Variants in RNF157 observed in about 807,000 individuals in gnomAD.
RNF157 encodes ring finger protein 157, also known as E3 ubiquitin ligase RNF157.
Under a neutral mutation model 88.3 loss-of-function variants are expected in RNF157, and 55 were observed. The observed-to-expected ratio is 0.62, with a 90% CI of 0.50 to 0.78. RNF157 has a LOEUF of 0.78. RNF157 is among the 30% of genes least tolerant of loss of function. The pLI is 0.00. For missense variants in RNF157, 788 were observed against 860.8 expected (o/e 0.92, Z 1.06); for synonymous variants, 334 against 341.2 (o/e 0.98, Z 0.23).
chr17:76,167,949 A>T (rs543046826), intron 3 of RNF157, 152 bp from the exon 4 acceptor site: 7 of 760,694 alleles, frequency 9.2e-6, no homozygotes, highest in African/African-American at 5.3e-5. Flanking sequence ...GTGCTTCATG[A>T]CCCATGTTGC....
rs556518937 is a variant in RNF157 at position 76,234,040 on chromosome 17, A to C, written c.88+6113T>G. 2.6e-5 allele frequency among the ~76,000 whole-genome samples: 4 copies of C among 152,256 alleles called. No individual in the cohort carries two copies. In the South Asian group the frequency reaches 8.3e-4, roughly 32 times the overall value. On this transcript the variant is annotated intron_variant, in intron 1 of 18. Coordinates refer to ENST00000269391, the MANE Select transcript of RNF157 (RefSeq NM_052916.3). ...CCTCTCCTCAGCCTCTGGCAGCCGC[A>C]GGCACAGCCACTGCGCCACTGCCAC...
intron 2 of RNF157, among the ~76,000 whole-genome samples, chr17:76,191,693 G>A (rs1415266917): frequency 6.6e-6 from 1 of 151,652 alleles, no homozygotes; most frequent in African/African-American, 2.4e-5. Context: ...AGGACTGCTT[G>A]AGCCTGGGAG....
intron 2 of RNF157, among the ~76,000 whole-genome samples, chr17:76,181,056 G>A (rs1422877344): frequency 2.0e-5 from 3 of 152,068 alleles, no homozygotes; most frequent in East Asian, 3.8e-4. Flanking sequence ...AAAGATTCAC[G>A]TAATCATCCA....
intron 9 of RNF157, chr17:76,162,203 A>G: frequency 1.6e-6 from 1 of 617,428 alleles, no homozygotes; most frequent in Non-Finnish European, 2.8e-6. Flanking sequence ...TAAAATTGAG[A>G]GGACGAGACT....
chr17:76,186,096 C>T (rs1280922738), intron 2 of RNF157, among the ~76,000 whole-genome samples: 1 of 151,960 alleles, frequency 6.6e-6, no homozygotes, highest in Admixed American at 6.6e-5. Flanking sequence ...GGCAAGAGGA[C>T]CAAAATCTTC....
intron 1 of RNF157, among the ~76,000 whole-genome samples, chr17:76,231,172 T>C (rs964486813): frequency 1.3e-5 from 2 of 152,112 alleles, no homozygotes; most frequent in Admixed American, 6.5e-5. Context: ...TAATTTTTTG[T>C]ATTTTTAGCA....
At chr17:76,175,482 G>A (rs1172457770) in intron 2 of RNF157, among the ~76,000 whole-genome samples, 1 of 152,146 alleles carries the variant, frequency 6.6e-6, no homozygotes, top group African/African-American at 2.4e-5. Flanking sequence ...AGGAGGCCTT[G>A]ACATGGTAAA....
chr17:76,184,686 T>C (rs941975524), intron 2 of RNF157, among the ~76,000 whole-genome samples: 1 of 152,202 alleles, frequency 6.6e-6, no homozygotes, highest in Non-Finnish European at 1.5e-5. Flanking sequence ...GAATGAATGG[T>C]AATCACAAAG....
chr17:76,192,220 T>C (rs995606517), intron 2 of RNF157, among the ~76,000 whole-genome samples: 3 of 152,240 alleles, frequency 2.0e-5, no homozygotes, highest in Non-Finnish European at 4.4e-5. Flanking sequence ...CTTTGTACTC[T>C]GGTTTGTTAA....
chr17:76,149,237 T>A (rs537544590), intron 18 of RNF157, among the ~76,000 whole-genome samples: 1 of 152,014 alleles, frequency 6.6e-6, no homozygotes, highest in Admixed American at 6.5e-5. Context: ...ACCAACAAGG[T>A]TCGCAGTCCT....
At chr17:76,230,625 G>C (rs572895783) in intron 1 of RNF157, among the ~76,000 whole-genome samples, 2 of 152,064 alleles carry the variant, frequency 1.3e-5, no homozygotes, top group South Asian at 4.2e-4. Context: ...GGATCACGAG[G>C]TCAGGAGTTT....
rs763938262 is a variant in RNF157, at chr17:76,142,734, T to TA, written c.*2500dup. On this transcript the variant is annotated 3_prime_UTR_variant, in exon 19 of 19. Coordinates refer to ENST00000269391, the MANE Select transcript of RNF157 (RefSeq NM_052916.3). ...ACCCTAACTCCCAGGCCAGCCGGCT[T>TA]AGAGTGTGGTGGTCTGTGCCCAGGA... The TA allele has an allele frequency of 1.3e-5, 2 of 152,388 alleles. No individual in the cohort carries two copies. Among genetic ancestry groups the TA allele is most frequent in the South Asian group, 2.1e-4 (1 of 4,816 alleles). 9.4% of individuals were successfully genotyped at this position (152,388 alleles called of 1,614,324 possible).
At chr17:76,221,970 A>G (rs992734228) in intron 1 of RNF157, among the ~76,000 whole-genome samples, 6 of 152,258 alleles carry the variant, frequency 3.9e-5, no homozygotes, top group Non-Finnish European at 5.9e-5. Flanking sequence ...CCAGATAGGT[A>G]AATCCACAGA....
At chr17:76,215,742 A>C (rs1360802279) in intron 1 of RNF157, among the ~76,000 whole-genome samples, 1 of 152,226 alleles carries the variant, frequency 6.6e-6, no homozygotes, top group Non-Finnish European at 1.5e-5. Context: ...CAACTATTGA[A>C]TTAAACAAGC....
chr17:76,225,528 T>G (rs1168021231), intron 1 of RNF157, among the ~76,000 whole-genome samples: 3 of 152,190 alleles, frequency 2.0e-5, no homozygotes, highest in Non-Finnish European at 2.9e-5. Context: ...AATGGACTAT[T>G]TGAATGCACA....
chr17:76,230,935 CTTTT>C (rs149390437), intron 1 of RNF157, among the ~76,000 whole-genome samples: 1 of 132,630 alleles, frequency 7.5e-6, no homozygotes, highest in Non-Finnish European at 1.6e-5. Context: ...AAGATTTAAT[CTTTT>C]TTTTTTTTTC....
At chr17:76,236,210 A>C (rs2070280674) in intron 1 of RNF157, among the ~76,000 whole-genome samples, 1 of 152,142 alleles carries the variant, frequency 6.6e-6, no homozygotes. Flanking sequence ...ACTTCAGCAA[A>C]ACAAATTATT....
intron 2 of RNF157, among the ~76,000 whole-genome samples, chr17:76,182,838 A>C (rs149239826): frequency 1.1e-5 from 1 of 87,496 alleles, no homozygotes. Flanking sequence ...CCTATATATG[A>C]TATATAGGAT....
chr17:76,218,826 C>T (rs936079174), intron 1 of RNF157, among the ~76,000 whole-genome samples: 2 of 151,606 alleles, frequency 1.3e-5, no homozygotes, highest in Non-Finnish European at 2.9e-5. Context: ...CCCAGCTACT[C>T]GGGAGGCTGA....
Sources: allele counts gnomAD v4.1 joint callset (sites outside exome capture counted in the v4.1 genomes callset), GRCh38; gene constraint gnomAD v4.1.1; transcripts MANE v1.5; gene names NCBI Gene and HGNC (gene_info 2026-07-23, HGNC 2026-07-21).